The following PTPRD variants were observed in gnomAD, a reference collection of about 807,000 sequenced individuals.
The protein encoded by PTPRD is protein tyrosine phosphatase receptor type D.
PTPRD carries 34 observed loss-of-function variants against 214.5 expected under a neutral mutation model. That is an observed-to-expected ratio of 0.16 (90% CI 0.12 to 0.21). The LOEUF (loss-of-function observed/expected upper bound fraction) is 0.21, where lower values mean the gene tolerates loss of function less well. Among genes scored for constraint, PTPRD ranks in the 10% least tolerant of loss-of-function variants. The probability of loss-of-function intolerance (pLI) is 1.00; values close to 1 mark genes in which losing one functional copy is unlikely to be tolerated. For missense variants in PTPRD, 2,545 were observed against 2,398.7 expected (o/e 1.06, Z -1.27); for synonymous variants, 1,128 against 845.7 (o/e 1.33, Z -5.79).
chr9:9,239,844 G>C (rs1324067868), intron 9 of PTPRD, among the ~76,000 whole-genome samples: 2 of 152,108 alleles, frequency 1.3e-5, no homozygotes, highest in African/African-American at 2.4e-5. Flanking sequence ...CTCTATCCCT[G>C]GTATGTGGGT....
intron 4 of PTPRD, among the ~76,000 whole-genome samples, chr9:10,016,107 G>A (rs1376171392): frequency 6.6e-6 from 1 of 152,118 alleles, no homozygotes; most frequent in Non-Finnish European, 1.5e-5. Context: ...TAAATCATAT[G>A]TGGTTGGTAA....
Position 8,341,993 on chromosome 9 carries a change from G to C in PTPRD, c.4662-15C>G. The stretch of plus-strand genomic sequence containing the variant: ...CAACTCCCGCACTATGAGGAAAATA[G>C]AGAAGAAAAGCCCAAATAAACCTAT... On this transcript the variant is annotated splice_polypyrimidine_tract_variant and intron_variant, in intron 39 of 45. Transcript: ENST00000381196. 1.9e-6 allele frequency: 3 copies of C among 1,576,410 alleles called. No homozygotes were observed. Among genetic ancestry groups the C allele is most frequent in the Non-Finnish European group, 2.6e-6 (3 of 1,165,534 alleles).
chr9:8,556,552 T>C (rs750749232), intron 14 of PTPRD, among the ~76,000 whole-genome samples: 1 of 152,164 alleles, frequency 6.6e-6, no homozygotes, highest in Non-Finnish European at 1.5e-5. Flanking sequence ...CATACTTGTG[T>C]ATTTTATATT....
chr9:8,878,385 G>A (rs761043623), intron 11 of PTPRD, among the ~76,000 whole-genome samples: 106 of 152,186 alleles, frequency 7.0e-4, no homozygotes, highest in Non-Finnish European at 1.4e-3. Context: ...AGTAAGTGGG[G>A]CTAAGGTGGG....
intron 11 of PTPRD, among the ~76,000 whole-genome samples, chr9:8,832,761 T>G (rs2097324092): frequency 6.6e-6 from 1 of 151,228 alleles, no homozygotes. Flanking sequence ...TATTCAATAT[T>G]TCTCTAAATT....
chr9:10,031,639 T>C lies in PTPRD; in HGVS notation c.-472+2079A>G, dbSNP rs994461643. Among the ~76,000 whole-genome samples, 267 of 75,338 alleles carry C rather than the reference T, an allele frequency of 3.5e-3. 15 individuals carry two copies. Among genetic ancestry groups the C allele is most frequent in the African/African-American group, 0.024 (239 of 10,024 alleles). 49.4% of individuals were successfully genotyped at this position (75,338 alleles called of 152,430 possible). On this transcript the variant is annotated intron_variant, in intron 4 of 45. Coordinates refer to ENST00000381196, the MANE Select transcript of PTPRD (RefSeq NM_002839.4). Reference sequence around the variant, plus strand: ...TTAAAAAACTCCATATATATATATATATATATATACACACACACACACACA... The same window carrying C: ...TTAAAAAACTCCATATATATATATACATATATATACACACACACACACACA...
intron 5 of PTPRD, among the ~76,000 whole-genome samples, chr9:9,883,639 C>G (rs1261140499): frequency 1.3e-5 from 2 of 152,118 alleles, no homozygotes; most frequent in Non-Finnish European, 2.9e-5. Flanking sequence ...AAAGCAATCA[C>G]CAACAATTCT....
At chr9:10,591,448 A>G (rs1342911718) in intron 2 of PTPRD, among the ~76,000 whole-genome samples, 1 of 152,046 alleles carries the variant, frequency 6.6e-6, no homozygotes, top group Non-Finnish European at 1.5e-5. Context: ...AGGAGATGTG[A>G]ACACAGGATG....
intron 11 of PTPRD, among the ~76,000 whole-genome samples, chr9:8,745,478 A>C (rs1027097502): frequency 6.6e-6 from 1 of 152,192 alleles, no homozygotes; most frequent in African/African-American, 2.4e-5. Flanking sequence ...GGATGAAAGA[A>C]TCTCACTGAA....
intron 3 of PTPRD, among the ~76,000 whole-genome samples, chr9:10,039,927 T>C (rs923973172): frequency 3.9e-5 from 6 of 152,096 alleles, no homozygotes; most frequent in Admixed American, 3.9e-4. Flanking sequence ...ATTTTAATTA[T>C]TCTAATTTCT....
In PTPRD at chr9:8,695,485, G is replaced by C. The variant is rs12682710; in HGVS notation, c.64+38295C>G. 6.4e-3 allele frequency among the ~76,000 whole-genome samples: 977 copies of C among 151,846 alleles called. 7 individuals are homozygous for C. The highest frequency in any genetic ancestry group is 0.01 in the Non-Finnish European group (713 of 67,952). ...TGTTATAGGCAAGCAAGAAGGAAGC[G>C]TCTAACAGGCAAACAACAATGTCTG... On this transcript the variant is annotated intron_variant, in intron 12 of 45. Coordinates refer to ENST00000381196, the MANE Select transcript of PTPRD (RefSeq NM_002839.4).
intron 3 of PTPRD, among the ~76,000 whole-genome samples, chr9:10,256,820 G>A (rs920498165): frequency 6.6e-6 from 1 of 152,054 alleles, no homozygotes; most frequent in South Asian, 2.1e-4. Context: ...TGCACATGGT[G>A]TTTCCCCTGC....
chr9:9,131,032 AC>A (rs900360143), intron 10 of PTPRD, among the ~76,000 whole-genome samples: 2 of 152,328 alleles, frequency 1.3e-5, no homozygotes, highest in Admixed American at 1.3e-4. Flanking sequence ...GAATAAAAAA[AC>A]AAATCCGGTG....
intron 3 of PTPRD, among the ~76,000 whole-genome samples, chr9:10,076,211 C>G (rs1041161150): frequency 6.6e-6 from 1 of 152,194 alleles, no homozygotes; most frequent in Admixed American, 6.6e-5. Context: ...GCCTCTATCT[C>G]CCTCATCTCC....
intron 9 of PTPRD, among the ~76,000 whole-genome samples, chr9:9,374,604 C>T (rs1298346205): frequency 6.6e-6 from 1 of 152,058 alleles, no homozygotes; most frequent in Non-Finnish European, 1.5e-5. Flanking sequence ...TCTTAGAAGG[C>T]CTTAATGTAA....
At chr9:9,560,853 G>T (rs1005990270) in intron 8 of PTPRD, among the ~76,000 whole-genome samples, 2 of 152,104 alleles carry the variant, frequency 1.3e-5, no homozygotes, top group African/African-American at 4.8e-5. Flanking sequence ...CTGCCCCCAT[G>T]CACAGCTGTG....
At chr9:9,950,864 T>TC (rs2093390592) in intron 4 of PTPRD, among the ~76,000 whole-genome samples, 2 of 151,810 alleles carry the variant, frequency 1.3e-5, no homozygotes, top group Non-Finnish European at 2.9e-5. Flanking sequence ...TACATGGGAG[T>TC]ATGGTCTCAA....
rs561703149 is a variant in PTPRD at position 10,423,135 on chromosome 9, A to G, written c.-599-82118T>C. Among the ~76,000 whole-genome samples the G allele has an allele frequency of 3.9e-5, 6 of 152,216 alleles. No individual in the cohort carries two copies. The East Asian group carries it at 1.2e-3, about 30-fold the overall frequency. On this transcript the variant is annotated intron_variant, in intron 2 of 45. Coordinates refer to ENST00000381196, the MANE Select transcript of PTPRD (RefSeq NM_002839.4). ...GAATACTATGCAGCCATAAAAAAGG[A>G]TGAATTCATGTCCTTTGTAGGGACA... is the stretch of plus-strand genomic sequence containing the variant.
intron 9 of PTPRD, among the ~76,000 whole-genome samples, chr9:9,231,206 A>T (rs2099962909): frequency 6.6e-6 from 1 of 152,190 alleles, no homozygotes; most frequent in South Asian, 2.1e-4. Context: ...ACAGTTGTTC[A>T]TTAGTTAGAC....
Sources: allele counts gnomAD v4.1 joint callset (sites outside exome capture counted in the v4.1 genomes callset), GRCh38; gene constraint gnomAD v4.1.1; transcripts MANE v1.5; gene names NCBI Gene and HGNC (gene_info 2026-07-23, HGNC 2026-07-21).